NR5A2: variants seen among roughly 807,000 people sequenced by gnomAD.
The protein encoded by NR5A2 is nuclear receptor subfamily 5 group A member 2, also known as CYP7A promoter-binding factor.
NR5A2 carries 26 observed loss-of-function variants against 62.7 expected under a neutral mutation model. The observed-to-expected ratio is 0.41, with a 90% CI of 0.30 to 0.58. NR5A2 has a LOEUF of 0.58. Among genes scored for constraint, NR5A2 ranks in the 20% least tolerant of loss-of-function variants. NR5A2 has a pLI of 0.22. For missense variants in NR5A2, 541 were observed against 669.1 expected, an observed-to-expected ratio of 0.81 and a Z score of 2.11; for synonymous variants, 246 against 241.7, an observed-to-expected ratio of 1.02 and a Z score of -0.16.
intron 7 of NR5A2, among the ~76,000 whole-genome samples, chr1:200,167,448 G>A (rs1464381280): frequency 6.6e-6 from 1 of 151,840 alleles, no homozygotes; most frequent in Non-Finnish European, 1.5e-5. Flanking sequence ...CACCTCCTTG[G>A]CCGCCGTATT....
intron 7 of NR5A2, among the ~76,000 whole-genome samples, chr1:200,170,822 T>A (rs1395858134): frequency 1.3e-5 from 2 of 152,236 alleles, no homozygotes; most frequent in Non-Finnish European, 2.9e-5. Context: ...TAAAGTACAG[T>A]ATTTTATTTC....
intron 5 of NR5A2, among the ~76,000 whole-genome samples, chr1:200,077,597 C>T (rs1664099502): frequency 6.6e-6 from 1 of 152,178 alleles, no homozygotes; most frequent in African/African-American, 2.4e-5. Flanking sequence ...GCCTGTAATC[C>T]CAGCTACTCG....
chr1:200,053,569 G>GCGCACACACACACACACACACACACA (rs374944913), intron 5 of NR5A2, among the ~76,000 whole-genome samples: 1 of 141,994 alleles, frequency 7.0e-6, no homozygotes, highest in Admixed American at 7.1e-5. Context: ...GCATGCACAC[G>GCGCACACACACACACACACACACACA]CACACACACA....
intron 5 of NR5A2, among the ~76,000 whole-genome samples, chr1:200,105,060 G>A (rs1665581724): frequency 1.3e-5 from 2 of 152,158 alleles, no homozygotes; most frequent in African/African-American, 4.8e-5. Flanking sequence ...CTGGGCTCAA[G>A]TGATCCTCCA....
At chr1:200,154,314 C>T (rs1222869665) in intron 7 of NR5A2, among the ~76,000 whole-genome samples, 1 of 152,220 alleles carries the variant, frequency 6.6e-6, no homozygotes, top group African/African-American at 2.4e-5. Flanking sequence ...AGACTTCCTA[C>T]TTACTGATAG....
At chr1:200,133,608 TATAC>T (rs1319442689) in intron 7 of NR5A2, among the ~76,000 whole-genome samples, 1 of 97,642 alleles carries the variant, frequency 1.0e-5, no homozygotes, top group East Asian at 4.2e-4. Context: ...TATACACATA[TATAC>T]ACACACACAC....
At chr1:200,049,874 G>C (rs1266021700) in intron 5 of NR5A2, among the ~76,000 whole-genome samples, 1 of 152,190 alleles carries the variant, frequency 6.6e-6, no homozygotes, top group Non-Finnish European at 1.5e-5. Context: ...ATGGTCTGGG[G>C]AATGTGGAAG....
intron 5 of NR5A2, among the ~76,000 whole-genome samples, chr1:200,108,184 C>T (rs1366341482): frequency 6.6e-6 from 1 of 151,728 alleles, no homozygotes; most frequent in African/African-American, 2.4e-5. Context: ...GCCTCAACCT[C>T]CTGGGTTCAA....
intron 6 of NR5A2, among the ~76,000 whole-genome samples, chr1:200,112,412 G>A (rs924741640): frequency 6.6e-6 from 1 of 152,070 alleles, no homozygotes; most frequent in African/African-American, 2.4e-5. Flanking sequence ...CCTATTCAGG[G>A]TCCCACTGCA....
chr1:200,135,378 G>A (rs376389857), intron 7 of NR5A2, among the ~76,000 whole-genome samples: 5 of 152,072 alleles, frequency 3.3e-5, no homozygotes, highest in African/African-American at 4.8e-5. Flanking sequence ...AAAATTAGCC[G>A]GGTGTGGTGG....
At position 200,147,801 on chromosome 1, in the gene NR5A2, C is replaced by T. The variant is rs575548799; in HGVS notation, c.1379-26162C>T. On this transcript the variant is annotated intron_variant, in intron 7 of 7. Coordinates refer to ENST00000367362, the MANE Select transcript of NR5A2 (RefSeq NM_205860.3). This position sits in a 1 kb window ranked among gnomAD's most constrained non-coding sequence, Gnocchi z 4.9. The stretch of plus-strand genomic sequence containing the variant: ...GGATGCCGGCACGGTGGGCAGCCGC[C>T]GTGGCGTCCAGCACCAGGTCCTGGC... The T allele has an allele frequency of 6.2e-6, 3 of 485,930 alleles. No individual in the cohort carries two copies. The highest frequency in any genetic ancestry group is 2.0e-5 in the African/African-American group (1 of 50,020). 30.1% of individuals were successfully genotyped at this position (485,930 alleles called of 1,614,324 possible).
intron 7 of NR5A2, among the ~76,000 whole-genome samples, chr1:200,163,128 T>G (rs1653721392): frequency 6.6e-6 from 1 of 152,142 alleles, no homozygotes; most frequent in Non-Finnish European, 1.5e-5. Context: ...AAAAGTCCTC[T>G]TTGAATCCAT....
intron 5 of NR5A2, among the ~76,000 whole-genome samples, chr1:200,095,816 T>C (rs964340208): frequency 1.3e-5 from 2 of 152,180 alleles, no homozygotes; most frequent in African/African-American, 4.8e-5. Flanking sequence ...CCTCCCAAAG[T>C]GCTGGGATTA....
intron 7 of NR5A2, among the ~76,000 whole-genome samples, chr1:200,125,947 C>T (rs1666680929): frequency 6.6e-6 from 1 of 152,162 alleles, no homozygotes; most frequent in Middle Eastern, 3.4e-3. Context: ...CTCCTAGGCT[C>T]AAATGATCCT....
At chr1:200,030,935 A>G (rs553109003) in intron 1 of NR5A2, among the ~76,000 whole-genome samples, 1 of 152,320 alleles carries the variant, frequency 6.6e-6, no homozygotes, top group South Asian at 2.1e-4. Flanking sequence ...AACCTCCAGC[A>G]AGCTCTGTGC....
chr1:200,033,402 T>A (rs1214380499), intron 1 of NR5A2, among the ~76,000 whole-genome samples: 1 of 151,752 alleles, frequency 6.6e-6, no homozygotes, highest in Non-Finnish European at 1.5e-5. Context: ...TAGGTGTCAA[T>A]TAAAAAAAAA....
At chr1:200,113,356 A>AATG (rs1666051829) in intron 6 of NR5A2, among the ~76,000 whole-genome samples, 1 of 152,194 alleles carries the variant, frequency 6.6e-6, no homozygotes, top group Non-Finnish European at 1.5e-5. Flanking sequence ...CTACCCTAGT[A>AATG]ATGATTAATT....
chr1:200,068,369 T>A (rs1426849069), intron 5 of NR5A2, among the ~76,000 whole-genome samples: 2 of 152,200 alleles, frequency 1.3e-5, no homozygotes, highest in Non-Finnish European at 2.9e-5. Flanking sequence ...TTTCATCTAT[T>A]ATAATTCTTC....
intron 7 of NR5A2, among the ~76,000 whole-genome samples, chr1:200,135,869 C>T (rs1364544650): frequency 1.5e-4 from 23 of 152,166 alleles, no homozygotes; most frequent in Admixed American, 1.5e-3. Flanking sequence ...TCGGGAAATG[C>T]CTCTTCTCAG....
Sources: allele counts gnomAD v4.1 joint callset (sites outside exome capture counted in the v4.1 genomes callset), GRCh38; gene constraint gnomAD v4.1.1; non-coding constraint Gnocchi (gnomAD v3.1); transcripts MANE v1.5; gene names NCBI Gene and HGNC (gene_info 2026-07-23, HGNC 2026-07-21).